Variants in METTL15 observed in about 807,000 individuals in gnomAD.
METTL15 encodes 12S rRNA N(4)-cytidine methyltransferase METTL15.
Under a neutral mutation model 38.3 loss-of-function variants are expected in METTL15, and 34 were observed. The ratio of observed to expected loss-of-function variants is 0.89; its 90% confidence interval spans 0.68 to 1.18. The LOEUF (loss-of-function observed/expected upper bound fraction) is 1.18. Ranked by LOEUF, METTL15 falls within the 50% of genes most tolerant of loss-of-function variation. The pLI is 0.00. For missense variants in METTL15, 438 were observed against 498.4 expected (o/e 0.88, Z 1.15); for synonymous variants, 162 against 170.9 (o/e 0.95, Z 0.41).
chr11:28,380,014 ATG>A (rs559536164), intron 5 of METTL15, among the ~76,000 whole-genome samples: 3 of 152,268 alleles, frequency 2.0e-5, no homozygotes, highest in African/African-American at 7.2e-5. Flanking sequence ...TCTGATATAA[ATG>A]TAGCTATTCC....
At chr11:28,259,393 G>C (rs1183629711) in intron 4 of METTL15, among the ~76,000 whole-genome samples, 1 of 152,092 alleles carries the variant, frequency 6.6e-6, no homozygotes, top group East Asian at 1.9e-4. Context: ...CTGTGTCTGA[G>C]TACATCATGT....
intron 4 of METTL15, among the ~76,000 whole-genome samples, chr11:28,221,927 G>A (rs779461525): frequency 5.9e-5 from 9 of 152,024 alleles, no homozygotes; most frequent in South Asian, 4.1e-4. Flanking sequence ...TTGTCTCAGA[G>A]GGGTACCTGG....
intron 4 of METTL15, among the ~76,000 whole-genome samples, chr11:28,359,814 A>G (rs868244699): frequency 7.2e-5 from 11 of 152,158 alleles, no homozygotes; most frequent in African/African-American, 2.7e-4. Context: ...TTACCAGATC[A>G]TTTACACTGT....
At chr11:28,307,718 A>C (rs1565241587) in intron 6 of METTL15, among the ~76,000 whole-genome samples, 2 of 151,930 alleles carry the variant, frequency 1.3e-5, no homozygotes, top group Non-Finnish European at 2.9e-5. Context: ...TTATGTATCG[A>C]CTTAACCATC....
intron 4 of METTL15, among the ~76,000 whole-genome samples, chr11:28,278,965 C>A (rs932628360): frequency 1.3e-5 from 2 of 151,994 alleles, no homozygotes; most frequent in African/African-American, 4.8e-5. Flanking sequence ...TAGCTGGGAC[C>A]ACAGGCACAC....
intron 5 of METTL15, among the ~76,000 whole-genome samples, chr11:28,373,441 G>C (rs866549361): frequency 6.6e-6 from 1 of 151,914 alleles, no homozygotes; most frequent in Non-Finnish European, 1.5e-5. Context: ...GTCTGTTCAT[G>C]TCCTTCGCCC....
At chr11:28,177,841 A>G (rs1851134239) in intron 3 of METTL15, among the ~76,000 whole-genome samples, 1 of 151,976 alleles carries the variant, frequency 6.6e-6, no homozygotes, top group African/African-American at 2.4e-5. Context: ...GTTACTTCAG[A>G]TAACTGAGTG....
At chr11:28,369,614 A>G (rs936626919) in intron 5 of METTL15, among the ~76,000 whole-genome samples, 4 of 152,176 alleles carry the variant, frequency 2.6e-5, no homozygotes, top group East Asian at 3.9e-4. Flanking sequence ...CAGCAGAAAC[A>G]TTGGTAGTGG....
intron 6 of METTL15, among the ~76,000 whole-genome samples, chr11:28,321,688 AC>A (rs977843260): frequency 2.0e-5 from 3 of 152,100 alleles, no homozygotes; most frequent in Non-Finnish European, 4.4e-5. Context: ...AGCAATTAAT[AC>A]ATTGGAATAC....
At chr11:28,235,564 A>C (rs1375845694) in intron 4 of METTL15, among the ~76,000 whole-genome samples, 1 of 152,090 alleles carries the variant, frequency 6.6e-6, no homozygotes, top group Non-Finnish European at 1.5e-5. Context: ...TTCTCTTTGA[A>C]GCAATTGTGA....
rs3812738 is a variant in METTL15, at chr11:28,108,435, C to A, written c.-271C>A. ...TCCTGTAGACCGGCGGGTGCAGGGCCCGGTCCCAGAGTTAAGGGTGTGAGT... is the reference window on the plus strand; with the variant it reads ...TCCTGTAGACCGGCGGGTGCAGGGCACGGTCCCAGAGTTAAGGGTGTGAGT... On this transcript the variant is annotated 5_prime_UTR_variant, in exon 1 of 7. Coordinates refer to ENST00000407364, the MANE Select transcript of METTL15 (RefSeq NM_001113528.2). The A allele has an allele frequency of 0.38, 57,738 of 152,382 alleles. 12,574 individuals are homozygous for A. The highest frequency in any genetic ancestry group is 0.6 in the African/African-American group (24,938 of 41,494). 9.4% of individuals were successfully genotyped at this position (152,382 alleles called of 1,614,324 possible).
intron 6 of METTL15, among the ~76,000 whole-genome samples, chr11:28,492,164 G>A (rs181598543): frequency 3.2e-4 from 49 of 152,236 alleles, no homozygotes; most frequent in Admixed American, 2.7e-3. Context: ...TGCAGCTGAC[G>A]CTGGTGTTAC....
At chr11:28,509,742 G>A (rs560075588) in intron 6 of METTL15, among the ~76,000 whole-genome samples, 4 of 152,264 alleles carry the variant, frequency 2.6e-5, no homozygotes, top group African/African-American at 7.2e-5. Flanking sequence ...CATTCTGTGA[G>A]TTTCTTGCTT....
At chr11:28,438,672 C>CTTTTTTTTTTTTTTT (rs1171439330) in intron 6 of METTL15, among the ~76,000 whole-genome samples, 70 of 128,170 alleles carry the variant, frequency 5.5e-4, no homozygotes, top group Non-Finnish European at 7.8e-4. Flanking sequence ...TTTCTTTTTT[C>CTTTTTTTTTTTTTTT]TTTTTTTTTT....
intron 3 of METTL15, among the ~76,000 whole-genome samples, chr11:28,161,653 A>G (rs899376759): frequency 1.4e-4 from 22 of 152,134 alleles, no homozygotes; most frequent in Non-Finnish European, 4.4e-5. Flanking sequence ...TATTATACTA[A>G]TTGTCTAGGT....
Position 28,290,193 on chromosome 11 carries a change from G to T in METTL15, c.408-13G>T. 1.3e-6 allele frequency: 2 copies of T among 1,597,396 alleles called. No individual in the cohort carries two copies. The highest frequency in any genetic ancestry group is 8.5e-7 in the Non-Finnish European group (1 of 1,170,946). ...ACAGAAGTGTTTTCTCTATCTCCTG[G>T]GTTTACTCACAGTAAACAAATCCGA... On this transcript the variant is annotated splice_polypyrimidine_tract_variant and intron_variant, in intron 4 of 6. Transcript: ENST00000407364.
chr11:28,134,715 T>C lies in METTL15; in HGVS notation c.270+21111T>C, dbSNP rs1849457450. On this transcript the variant is annotated intron_variant, in intron 3 of 6. Transcript: ENST00000407364. The stretch of plus-strand genomic sequence containing the variant: ...TTCATTTGCATCACCATTTGAAGTT[T>C]AATGGCCTCCAAGCAAAAAGGAACA... The C allele has an allele frequency of 7.6e-6, 3 of 397,288 alleles. No individual in the cohort carries two copies. The South Asian group carries it at 4.0e-4, about 53-fold the overall frequency. The allele number at this position is 397,288 out of a possible 1,614,324, so 24.6% of individuals were successfully genotyped here. A position where few individuals can be genotyped will look rare whatever the true frequency, so the allele number is the denominator to read the frequency against.
intron 6 of METTL15, among the ~76,000 whole-genome samples, chr11:28,313,727 C>T (rs987797152): frequency 1.3e-5 from 2 of 151,532 alleles, no homozygotes; most frequent in African/African-American, 4.9e-5. Context: ...TGCCAATATA[C>T]TAGATATCAG....
intron 6 of METTL15, among the ~76,000 whole-genome samples, chr11:28,499,593 A>G (rs529536238): frequency 3.3e-5 from 5 of 152,294 alleles, no homozygotes; most frequent in African/African-American, 9.6e-5. Context: ...TGGTAACTCA[A>G]TCATCTCTTC....
Sources: allele counts gnomAD v4.1 joint callset (sites outside exome capture counted in the v4.1 genomes callset), GRCh38; gene constraint gnomAD v4.1.1; transcripts MANE v1.5; gene names NCBI Gene and HGNC (gene_info 2026-07-23, HGNC 2026-07-21).